The following PCDHGA1 variants were observed in gnomAD, a reference collection of about 807,000 sequenced individuals.
PCDHGA1 encodes protocadherin gamma subfamily A, 1.
PCDHGA1 carries 32 observed loss-of-function variants against 58.0 expected under a neutral mutation model. The ratio of observed to expected loss-of-function variants is 0.55; its 90% CI spans 0.42 to 0.74. The LOEUF (loss-of-function observed/expected upper bound fraction) is 0.74, where lower values mean the gene tolerates loss of function less well. Among genes scored for constraint, PCDHGA1 ranks in the 30% least tolerant of loss-of-function variants. The pLI is 0.00. For missense variants in PCDHGA1, 1,205 were observed against 1,182.3 expected (o/e 1.02, Z -0.28); for synonymous variants, 498 against 501.1 (o/e 0.99, Z 0.08).
At chr5:141,355,466 G>T (rs1561508995) in intron 1 of PCDHGA1, 1 of 1,614,094 alleles carries the variant, frequency 6.2e-7, no homozygotes, top group Admixed American at 1.7e-5. Context: ...ACCGCGGGTA[G>T]GATAGACAGG....
In PCDHGA1 at chr5:141,511,224, G is replaced by T. The variant is rs752401867; in HGVS notation, c.*51G>T. On this transcript the variant is annotated 3_prime_UTR_variant, in exon 4 of 4. Coordinates refer to ENST00000517417, the MANE Select transcript of PCDHGA1 (RefSeq NM_018912.3). ...GGGCGGCCTCTCCCCAACCAGCCCA[G>T]CTTCTCCTTACCTGCACCCAGGCCT... is the stretch of plus-strand genomic sequence containing the variant. 44 of 1,603,158 alleles carry T rather than the reference G, an allele frequency of 2.7e-5. No individual in the cohort carries two copies. Among genetic ancestry groups the T allele is most frequent in the Non-Finnish European group, 3.6e-5 (42 of 1,174,924 alleles).
chr5:141,446,088 T>C (rs2098487177), intron 1 of PCDHGA1, among the ~76,000 whole-genome samples: 1 of 152,100 alleles, frequency 6.6e-6, no homozygotes, highest in African/African-American at 2.4e-5. Flanking sequence ...TAGAAATAAA[T>C]GGATGAATTA....
intron 1 of PCDHGA1, among the ~76,000 whole-genome samples, chr5:141,443,667 C>G (rs62379164): frequency 0.042 from 6,382 of 152,210 alleles, 168 homozygotes; most frequent in Middle Eastern, 0.088. Flanking sequence ...TTTTACTGAA[C>G]TAGTAGTTTA....
intron 1 of PCDHGA1, among the ~76,000 whole-genome samples, chr5:141,335,206 A>AT (rs997971143): frequency 5.3e-5 from 8 of 151,912 alleles, no homozygotes; most frequent in East Asian, 1.9e-4. Context: ...TATAATCATA[A>AT]TTTTTTTTCT....
Position 141,350,657 on chromosome 5 carries a change from A to G in PCDHGA1, c.2421+17552A>G, listed in dbSNP as rs1758532359. Reference sequence around the variant, plus strand: ...TGACAATGCACCACGTTTCGTTGCAAAAGGCATTGACTTAGAAATTTGTGA... The same window carrying G: ...TGACAATGCACCACGTTTCGTTGCAGAAGGCATTGACTTAGAAATTTGTGA... On this transcript the variant is annotated intron_variant, in intron 1 of 3. Transcript: ENST00000517417. 1 of 1,613,928 alleles carries G rather than the reference A, an allele frequency of 6.2e-7. No homozygotes were observed. The highest frequency in any genetic ancestry group is 1.7e-5 in the Admixed American group (1 of 60,012).
chr5:141,348,967 T>C (rs17097224), intron 1 of PCDHGA1, among the ~76,000 whole-genome samples: 8,786 of 152,250 alleles, frequency 0.058, 402 homozygotes, highest in African/African-American at 0.13. Context: ...AGTTCCAAAA[T>C]TGGGTGTCTA....
chr5:141,362,225 C>T, intron 1 of PCDHGA1: 1 of 1,614,040 alleles, frequency 6.2e-7, no homozygotes, highest in Non-Finnish European at 8.5e-7. Context: ...GTGGCCTTGG[C>T]CTTGATCTCA....
intron 1 of PCDHGA1, chr5:141,346,622 C>A: frequency 1.9e-6 from 2 of 1,048,544 alleles, no homozygotes; most frequent in Non-Finnish European, 1.4e-6. Flanking sequence ...GGACTGCACT[C>A]CCCGGTCTGG....
chr5:141,399,720 C>A, intron 1 of PCDHGA1: 1 of 1,613,306 alleles, frequency 6.2e-7, no homozygotes, highest in Non-Finnish European at 8.5e-7. Context: ...TACAGGCCCG[C>A]GACCAGGGCT....
chr5:141,489,222 A>C lies in PCDHGA1; in HGVS notation c.2422-5585A>C. On this transcript the variant is annotated intron_variant, in intron 1 of 3. Coordinates refer to ENST00000517417, the MANE Select transcript of PCDHGA1 (RefSeq NM_018912.3). The surrounding 1 kb of genome is among the most constrained non-coding windows in gnomAD (Gnocchi z 4.5). ...ACAGGACAGCACAGACTTACTCTCC[A>C]CAAAGGGACTTCTGGGTCATGGGGC... 6.6e-7 allele frequency: 1 copy of C among 1,515,652 alleles called. No individual in the cohort carries two copies. Among genetic ancestry groups the C allele is most frequent in the Middle Eastern group, 1.8e-4 (1 of 5,598 alleles). 93.9% of individuals were successfully genotyped at this position (1,515,652 alleles called of 1,614,324 possible).
chr5:141,364,207 C>T (rs1763218891), intron 1 of PCDHGA1: 1 of 1,184,316 alleles, frequency 8.4e-7, no homozygotes, highest in African/African-American at 1.5e-5. Context: ...ACCAGACAAG[C>T]TCCTACGAAA....
At chr5:141,492,197 TA>T (rs2099738125) in intron 1 of PCDHGA1, among the ~76,000 whole-genome samples, 1 of 152,200 alleles carries the variant, frequency 6.6e-6, no homozygotes, top group African/African-American at 2.4e-5. Flanking sequence ...CTGCGGGACT[TA>T]GGTGTGCGCG....
chr5:141,475,653 G>T (rs982063429), intron 1 of PCDHGA1, among the ~76,000 whole-genome samples: 2 of 152,238 alleles, frequency 1.3e-5, no homozygotes, highest in African/African-American at 2.4e-5. Context: ...CAAAGAAAGT[G>T]ATTCAAATGT....
chr5:141,445,973 G>A (rs563637331), intron 1 of PCDHGA1, among the ~76,000 whole-genome samples: 28 of 152,326 alleles, frequency 1.8e-4, no homozygotes, highest in African/African-American at 6.0e-4. Flanking sequence ...ATTGATTTAT[G>A]AGGGTTATAA....
chr5:141,441,937 C>T, intron 1 of PCDHGA1: 1 of 344,792 alleles, frequency 2.9e-6, no homozygotes, highest in Non-Finnish European at 5.6e-6. Context: ...GCTGTCCTAC[C>T]ACGTGCTGCA....
intron 1 of PCDHGA1, chr5:141,423,839 A>C: frequency 7.8e-7 from 1 of 1,279,970 alleles, no homozygotes; most frequent in Admixed American, 3.8e-5. Flanking sequence ...AGATTACGAT[A>C]ATCTTTCAGA....
intron 1 of PCDHGA1, chr5:141,356,925 G>A: frequency 6.2e-7 from 1 of 1,614,212 alleles, no homozygotes. Context: ...CCACTGGTGT[G>A]GAGCTGGCAC....
chr5:141,487,004 C>G lies in PCDHGA1; in HGVS notation c.2422-7803C>G. 1 of 1,614,224 alleles carries G rather than the reference C, an allele frequency of 6.2e-7. No homozygotes were observed. The highest frequency in any genetic ancestry group is 1.1e-5 in the South Asian group (1 of 91,086). On this transcript the variant is annotated intron_variant, in intron 1 of 3. Transcript: ENST00000517417. This position sits in a 1 kb window ranked among gnomAD's most constrained non-coding sequence, Gnocchi z 5.0. ...CAATGCTTGGGTTTCCTATCAGCTC[C>G]TGGAGGCCCCAGATCCCAGCCTGTT...
At chr5:141,450,836 T>A (rs991599340) in intron 1 of PCDHGA1, among the ~76,000 whole-genome samples, 2 of 149,760 alleles carry the variant, frequency 1.3e-5, no homozygotes, top group African/African-American at 4.9e-5. Flanking sequence ...ATTATTTTTT[T>A]TTTTTTGAGA....
Sources: gnomAD v4.1 joint callset for allele counts (sites outside exome capture counted in the v4.1 genomes callset) on GRCh38, gnomAD v4.1.1 for gene constraint, Gnocchi (gnomAD v3.1) non-coding constraint, MANE v1.5 for transcripts, NCBI Gene and HGNC (gene_info 2026-07-23, HGNC 2026-07-21) for gene names.